EYA1: variants seen among roughly 807,000 people sequenced by gnomAD.
EYA1 encodes the protein protein phosphatase EYA1.
Under a neutral mutation model 82.0 loss-of-function variants are expected in EYA1, and 16 were observed. That is an observed-to-expected ratio of 0.20 (90% CI 0.13 to 0.30). The LOEUF (loss-of-function observed/expected upper bound fraction) is 0.30, where lower values mean the gene tolerates loss of function less well. Ranked by LOEUF, EYA1 falls within the 10% of genes least tolerant of loss-of-function variation. The pLI, the probability that EYA1 is intolerant of heterozygous loss-of-function variation, is 1.00. For missense variants in EYA1, 633 were observed against 730.7 expected, an observed-to-expected ratio of 0.87 and a Z score of 1.54; for synonymous variants, 261 against 264.4, an observed-to-expected ratio of 0.99 and a Z score of 0.12.
chr8:71,218,302 C>G (rs563072768), intron 12 of EYA1, among the ~76,000 whole-genome samples: 1 of 152,222 alleles, frequency 6.6e-6, no homozygotes, highest in African/African-American at 2.4e-5. Context: ...TTAGAAAGCA[C>G]TATAATAATA....
Position 71,215,459 on chromosome 8 carries a change from A to G in EYA1, c.1525T>C (p.Leu509=), listed in dbSNP as rs1411717927. The G allele has an allele frequency of 5.6e-6, 9 of 1,613,536 alleles. No individual in the cohort carries two copies. Among genetic ancestry groups the G allele is most frequent in the East Asian group, 2.2e-5 (1 of 44,878 alleles). The change falls in exon 16 of 18, where the codon TTG becomes CTG. Residue 509 remains leucine (L), a synonymous_variant. Coordinates refer to ENST00000340726, the MANE Select transcript of EYA1 (RefSeq NM_000503.6). ...LVTTTQLIPA[L]AKVLLYGLGI... is the part of the protein sequence containing the mutation. ...AACCCATACAGCAGGACTTTCGCCAATGCTGGGATGAGCTGAGTAGTTGTT... is the reference window on the plus strand; with the variant it reads ...AACCCATACAGCAGGACTTTCGCCAGTGCTGGGATGAGCTGAGTAGTTGTT...
At chr8:71,333,337 T>G (rs1273337763) in intron 4 of EYA1, among the ~76,000 whole-genome samples, 1 of 152,148 alleles carries the variant, frequency 6.6e-6, no homozygotes, top group Non-Finnish European at 1.5e-5. Context: ...CTTGAGTAAA[T>G]CAATCACAAC....
chr8:71,283,925 T>C (rs1215914727), intron 9 of EYA1, among the ~76,000 whole-genome samples: 1 of 152,156 alleles, frequency 6.6e-6, no homozygotes, highest in African/African-American at 2.4e-5. Context: ...GATAAAAAGA[T>C]TGAAGTTAAT....
intron 2 of EYA1, among the ~76,000 whole-genome samples, chr8:71,532,262 C>T (rs1020750056): frequency 6.6e-6 from 1 of 152,132 alleles, no homozygotes; most frequent in African/African-American, 2.4e-5. Flanking sequence ...TGCACTGCCA[C>T]CCTCCCATCC....
At chr8:71,407,202 T>C (rs1830300961) in intron 2 of EYA1, among the ~76,000 whole-genome samples, 1 of 146,460 alleles carries the variant, frequency 6.8e-6, no homozygotes, top group Admixed American at 7.0e-5. Context: ...AGAAAGGACA[T>C]CCACACGGAA....
At chr8:71,425,972 A>T (rs866079242) in intron 2 of EYA1, among the ~76,000 whole-genome samples, 1 of 152,222 alleles carries the variant, frequency 6.6e-6, no homozygotes, top group Admixed American at 6.5e-5. Flanking sequence ...GATTAAAGCT[A>T]TATAGACCTC....
In EYA1 at chr8:71,300,613, T is replaced by C. The variant is rs543423842; in HGVS notation, c.557-893A>G. 3.3e-5 allele frequency among the ~76,000 whole-genome samples: 5 copies of C among 152,238 alleles called. No individual in the cohort carries two copies. The South Asian group carries it at 1.0e-3, about 32-fold the overall frequency. On this transcript the variant is annotated intron_variant, in intron 7 of 17. Transcript: ENST00000340726. ...CGTATGCCATTTAACCCAGCAATTT[T>C]ATTTCAGGCATTTACTCTAAGAAAA... is the stretch of plus-strand genomic sequence containing the variant.
chr8:71,274,137 A>G (rs1006903489), intron 9 of EYA1, among the ~76,000 whole-genome samples: 1 of 152,214 alleles, frequency 6.6e-6, no homozygotes, highest in Non-Finnish European at 1.5e-5. Flanking sequence ...GTTTTAAATC[A>G]TGTTATCTAA....
At chr8:71,471,250 T>C (rs1347873652) in intron 2 of EYA1, among the ~76,000 whole-genome samples, 1 of 151,980 alleles carries the variant, frequency 6.6e-6, no homozygotes, top group Non-Finnish European at 1.5e-5. Flanking sequence ...AGAAAACAAT[T>C]GTTATACAAT....
At chr8:71,212,472 C>T (rs762031617) in intron 16 of EYA1, among the ~76,000 whole-genome samples, 25 of 152,104 alleles carry the variant, frequency 1.6e-4, no homozygotes, top group Admixed American at 4.6e-4. Flanking sequence ...AATGCTTATG[C>T]GTTTTTGCAA....
At chr8:71,525,662 G>C (rs2129276264) in intron 2 of EYA1, among the ~76,000 whole-genome samples, 1 of 152,136 alleles carries the variant, frequency 6.6e-6, no homozygotes, top group South Asian at 2.1e-4. Flanking sequence ...TCAATTAATA[G>C]AGTTCCAGTT....
In EYA1 at chr8:71,274,867, AGAGAGAGAGAGAGTGAGCGAGC is replaced by A. The variant is rs777570238; in HGVS notation, c.827-2992_827-2971del. Among the ~76,000 whole-genome samples the A allele has an allele frequency of 1.9e-4, 28 of 150,700 alleles. No individual in the cohort carries two copies. The East Asian group carries it at 2.6e-3, about 14-fold the overall frequency. On this transcript the variant is annotated intron_variant, in intron 9 of 17. Transcript: ENST00000340726. ...TAAGTATGTGTGAAGGTAAAGTGGGAGAGAGAGAGAGAGTGAGCGAGCGAGAGAGAGAGAGTGAGCGAGCGAG... is the reference window on the plus strand; with the variant it reads ...TAAGTATGTGTGAAGGTAAAGTGGGAGAGAGAGAGAGAGTGAGCGAGCGAG...
intron 9 of EYA1, among the ~76,000 whole-genome samples, chr8:71,285,385 T>C (rs1818258473): frequency 6.6e-6 from 1 of 152,182 alleles, no homozygotes; most frequent in Non-Finnish European, 1.5e-5. Flanking sequence ...CTTAGAATGT[T>C]TGAAGGGAGA....
At chr8:71,465,054 A>G (rs1808678244) in intron 2 of EYA1, among the ~76,000 whole-genome samples, 1 of 152,252 alleles carries the variant, frequency 6.6e-6, no homozygotes, top group Non-Finnish European at 1.5e-5. Flanking sequence ...ATGATAAAGC[A>G]GAACAATTTC....
At chr8:71,444,889 T>C (rs890523262) in intron 2 of EYA1, among the ~76,000 whole-genome samples, 3 of 152,220 alleles carry the variant, frequency 2.0e-5, no homozygotes, top group Admixed American at 6.5e-5. Flanking sequence ...AACCTATTTG[T>C]GGAAACTATG....
intron 9 of EYA1, among the ~76,000 whole-genome samples, chr8:71,275,553 G>A (rs1388094022): frequency 6.6e-6 from 1 of 152,164 alleles, no homozygotes; most frequent in South Asian, 2.1e-4. Context: ...TGCAGTGTGT[G>A]TACAAGGGTT....
At chr8:71,524,767 A>G (rs1312938771) in intron 2 of EYA1, among the ~76,000 whole-genome samples, 1 of 152,212 alleles carries the variant, frequency 6.6e-6, no homozygotes, top group Non-Finnish European at 1.5e-5. Flanking sequence ...GGCCCAATAC[A>G]ATGATCTCTG....
intron 1 of EYA1, among the ~76,000 whole-genome samples, chr8:71,540,974 C>A (rs1442853488): frequency 6.6e-6 from 1 of 152,118 alleles, no homozygotes; most frequent in Non-Finnish European, 1.5e-5. Context: ...CAAACAGAAG[C>A]CTGCAGTGAA....
rs7846086 is a variant in EYA1, at chr8:71,215,328, G to A, written c.1597+59C>T. ...AAAAAAGTTTCATTTATTGCCTTTC[G>A]TTTTTATTATCCTGAAGGAAAAGAG... is the stretch of plus-strand genomic sequence containing the variant. On this transcript the variant is annotated intron_variant, in intron 16 of 17. Coordinates refer to ENST00000340726, the MANE Select transcript of EYA1 (RefSeq NM_000503.6). 0.32 allele frequency: 503,299 copies of A among 1,559,976 alleles called. 88,766 individuals are homozygous for A. Among genetic ancestry groups the A allele is most frequent in the East Asian group, 0.76 (33,597 of 44,428 alleles).
Sources: allele counts gnomAD v4.1 joint callset (sites outside exome capture counted in the v4.1 genomes callset), GRCh38; gene constraint gnomAD v4.1.1; transcripts MANE v1.5; gene names NCBI Gene and HGNC (gene_info 2026-07-23, HGNC 2026-07-21).